The following UST variants were observed in gnomAD, a reference collection of about 807,000 sequenced individuals.
UST encodes uronyl 2-sulfotransferase.
UST carries 21 observed loss-of-function variants against 45.6 expected under a neutral mutation model. The ratio of observed to expected loss-of-function variants is 0.46; its 90% CI spans 0.33 to 0.66. The LOEUF (loss-of-function observed/expected upper bound fraction) is 0.66, where lower values mean the gene tolerates loss of function less well. UST is among the 30% of genes least tolerant of loss of function. The probability of loss-of-function intolerance (pLI) is 0.02; values close to 1 mark genes in which losing one functional copy is unlikely to be tolerated. For synonymous variants in UST, 215 were observed against 200.6 expected (o/e 1.07, Z -0.61); for missense variants, 463 against 512.4 (o/e 0.90, Z 0.93).
In UST at chr6:148,790,369, G is replaced by C. The variant is rs144509974; in HGVS notation, c.247+42692G>C. On this transcript the variant is annotated intron_variant, in intron 1 of 7. Coordinates refer to ENST00000367463, the MANE Select transcript of UST (RefSeq NM_005715.3). The surrounding 1 kb of genome is among the most constrained non-coding windows in gnomAD (Gnocchi z 4.2). ...TGTAGAATAATCCTTCACTATATTT[G>C]CTGTTTCTGGAATAGTAGAGACCAC... Among the ~76,000 whole-genome samples the C allele has an allele frequency of 6.3e-4, 96 of 152,308 alleles. 1 individual carries two copies. The East Asian group carries it at 0.014, about 22-fold the overall frequency.
intron 5 of UST, among the ~76,000 whole-genome samples, chr6:148,983,301 C>T (rs78432853): frequency 2.6e-5 from 4 of 152,210 alleles, no homozygotes; most frequent in Admixed American, 2.0e-4. Flanking sequence ...ACTGGGTAGG[C>T]CCTTGACCTG....
At chr6:148,921,647 C>G (rs1251702659) in intron 2 of UST, among the ~76,000 whole-genome samples, 1 of 152,196 alleles carries the variant, frequency 6.6e-6, no homozygotes, top group Admixed American at 6.5e-5. Flanking sequence ...GAGAGACCCA[C>G]CAAGCTTTCT....
At chr6:148,939,669 A>G (rs1780087915) in intron 2 of UST, among the ~76,000 whole-genome samples, 1 of 152,246 alleles carries the variant, frequency 6.6e-6, no homozygotes, top group Non-Finnish European at 1.5e-5. Flanking sequence ...ATTTGCATGC[A>G]GAAGAATGAA....
At chr6:149,056,938 CA>C (rs1394740240) in intron 7 of UST, among the ~76,000 whole-genome samples, 1 of 152,198 alleles carries the variant, frequency 6.6e-6, no homozygotes, top group African/African-American at 2.4e-5. Flanking sequence ...ACAGCTGCTT[CA>C]TTCACAGCCC....
chr6:148,999,675 G>A (rs1221397531), intron 5 of UST, among the ~76,000 whole-genome samples: 1 of 139,814 alleles, frequency 7.2e-6, no homozygotes, highest in Non-Finnish European at 1.7e-5. Context: ...AAATGATTAC[G>A]TTTCTCTAAA....
intron 7 of UST, among the ~76,000 whole-genome samples, chr6:149,065,314 T>G (rs1286896644): frequency 6.6e-6 from 1 of 152,198 alleles, no homozygotes; most frequent in Non-Finnish European, 1.5e-5. Context: ...CCATGTAGCT[T>G]TGTTTTGTTT....
At chr6:148,800,227 A>G (rs556244915) in intron 1 of UST, among the ~76,000 whole-genome samples, 14 of 152,162 alleles carry the variant, frequency 9.2e-5, no homozygotes, top group Non-Finnish European at 2.1e-4. Flanking sequence ...TAAATCTGTA[A>G]GTCTGGTTCA....
chr6:148,965,604 A>T (rs1780775069), intron 5 of UST, among the ~76,000 whole-genome samples: 1 of 152,142 alleles, frequency 6.6e-6, no homozygotes, highest in Non-Finnish European at 1.5e-5. Context: ...TAAAAACATA[A>T]TGGAAGTGGA....
intron 1 of UST, among the ~76,000 whole-genome samples, chr6:148,794,962 C>T (rs534047997): frequency 2.6e-5 from 4 of 152,274 alleles, no homozygotes; most frequent in South Asian, 2.1e-4. Context: ...GTCTTTTCCA[C>T]GTTCTAAGGA....
chr6:149,065,144 G>A (rs758211848), intron 7 of UST, among the ~76,000 whole-genome samples: 1 of 152,154 alleles, frequency 6.6e-6, no homozygotes. Context: ...CTCACCTAAC[G>A]AGGGCTTCTT....
At chr6:148,924,600 C>T (rs566318558) in intron 2 of UST, among the ~76,000 whole-genome samples, 1 of 152,314 alleles carries the variant, frequency 6.6e-6, no homozygotes, top group South Asian at 2.1e-4. Context: ...TTGAGCAGAG[C>T]AATGCCCTTG....
At position 149,007,463 on chromosome 6, in the gene UST, A is replaced by AT. The variant is rs11312436; in HGVS notation, c.682-11658dup. Among the ~76,000 whole-genome samples, 1,091 of 130,730 alleles carry AT rather than the reference A, an allele frequency of 8.3e-3. 12 individuals are homozygous for AT. Among genetic ancestry groups the AT allele is most frequent in the Middle Eastern group, 0.04 (10 of 250 alleles). 85.8% of individuals were successfully genotyped at this position (130,730 alleles called of 152,430 possible). On this transcript the variant is annotated intron_variant, in intron 5 of 7. Transcript: ENST00000367463. The stretch of plus-strand genomic sequence containing the variant: ...CTACCACACCCAGCTAATTTTTTGT[A>AT]TTTTTTTTTTTTTTTTTTAGTAGAG...
At chr6:149,058,650 A>C (rs1458244808) in intron 7 of UST, among the ~76,000 whole-genome samples, 1 of 152,232 alleles carries the variant, frequency 6.6e-6, no homozygotes, top group East Asian at 1.9e-4. Context: ...ATACGATTTC[A>C]AATAAAGTAA....
At chr6:148,958,866 A>G (rs1780584104) in intron 4 of UST, 4 of 152,354 alleles carry the variant, frequency 2.6e-5, no homozygotes, top group Admixed American at 2.0e-4. Flanking sequence ...GATGCTGTCA[A>G]AATAGTCCAA....
chr6:148,932,826 A>G (rs116310106), intron 2 of UST, among the ~76,000 whole-genome samples: 39 of 152,364 alleles, frequency 2.6e-4, no homozygotes, highest in African/African-American at 8.7e-4. Context: ...GACATTAGGT[A>G]TACAGAATGG....
intron 1 of UST, among the ~76,000 whole-genome samples, chr6:148,822,137 G>A (rs1208186117): frequency 6.6e-6 from 1 of 152,152 alleles, no homozygotes; most frequent in Non-Finnish European, 1.5e-5. Flanking sequence ...CATTGCTACT[G>A]GAAGGTTGCT....
chr6:148,769,887 G>T (rs1257257840), intron 1 of UST, among the ~76,000 whole-genome samples: 1 of 151,148 alleles, frequency 6.6e-6, no homozygotes, highest in African/African-American at 2.4e-5. Flanking sequence ...TTTTTTTATA[G>T]GAAAAGACCT....
chr6:148,952,232 C>G (rs1780379182), intron 3 of UST, among the ~76,000 whole-genome samples: 1 of 152,108 alleles, frequency 6.6e-6, no homozygotes, highest in Admixed American at 6.6e-5. Flanking sequence ...GTAAATGCAT[C>G]AAAAATCAAA....
chr6:148,984,270 A>G (rs1466260231), intron 5 of UST, among the ~76,000 whole-genome samples: 2 of 152,212 alleles, frequency 1.3e-5, no homozygotes, highest in African/African-American at 2.4e-5. Context: ...TATATAATCT[A>G]TCAGGGAAAA....
Sources: gnomAD v4.1 joint callset for allele counts (sites outside exome capture counted in the v4.1 genomes callset) on GRCh38, gnomAD v4.1.1 for gene constraint, Gnocchi (gnomAD v3.1) non-coding constraint, MANE v1.5 for transcripts, NCBI Gene and HGNC (gene_info 2026-07-23, HGNC 2026-07-21) for gene names.